Variants in STAG1 observed in about 807,000 individuals in gnomAD.
The protein encoded by STAG1 is STAG1 cohesin complex component.
In STAG1, 26 loss-of-function variants were observed where a neutral mutation model predicts 170.9. The ratio of observed to expected loss-of-function variants is 0.15; its 90% CI spans 0.11 to 0.21. STAG1 has a LOEUF of 0.21. Ranked by LOEUF, STAG1 falls within the 10% of genes least tolerant of loss-of-function variation. The pLI, the probability that STAG1 is intolerant of heterozygous loss-of-function variation, is 1.00. For synonymous variants in STAG1, 514 were observed against 497.7 expected (o/e 1.03, Z -0.44); for missense variants, 964 against 1,509.5 (o/e 0.64, Z 5.99).
At chr3:136,598,805 T>A (rs66470158) in intron 4 of STAG1, among the ~76,000 whole-genome samples, 12,005 of 152,264 alleles carry the variant, frequency 0.079, 494 homozygotes, top group Non-Finnish European at 0.094. Context: ...TTTATTTTAC[T>A]GTGTATTTCA....
intron 4 of STAG1, among the ~76,000 whole-genome samples, chr3:136,579,827 TATAAA>T (rs1226831986): frequency 4.7e-4 from 71 of 152,210 alleles, no homozygotes; most frequent in African/African-American, 1.7e-3. Flanking sequence ...AGTGTATACG[TATAAA>T]ATATCAGTAA....
chr3:136,370,860 C>A (rs1937295706), intron 23 of STAG1, among the ~76,000 whole-genome samples: 1 of 152,288 alleles, frequency 6.6e-6, no homozygotes, highest in African/African-American at 2.4e-5. Context: ...ATTTATAATC[C>A]TTTGGGTATA....
rs33968101 is a variant in STAG1, at chr3:136,544,758, C to CAAA, written c.395-2566_395-2564dup. 7.8e-4 allele frequency among the ~76,000 whole-genome samples: 115 copies of CAAA among 146,556 alleles called. 1 individual carries two copies. Among genetic ancestry groups the CAAA allele is most frequent in the East Asian group, 2.2e-3 (11 of 4,958 alleles). ...CCAGCCTGGATGACAGAGCAAGACT[C>CAAA]AAAAAAAAAAAAAGTTTATAGCTTT... On this transcript the variant is annotated intron_variant, in intron 5 of 33. Coordinates refer to ENST00000383202, the MANE Select transcript of STAG1 (RefSeq NM_005862.3).
At chr3:136,622,161 AAAG>A (rs1576679028) in intron 3 of STAG1, among the ~76,000 whole-genome samples, 2 of 150,498 alleles carry the variant, frequency 1.3e-5, no homozygotes, top group Non-Finnish European at 3.0e-5. Context: ...AAAAAAAAGA[AAAG>A]AAAAAATTAG....
At chr3:136,376,040 A>AT (rs1449694647) in intron 23 of STAG1, among the ~76,000 whole-genome samples, 4 of 149,284 alleles carry the variant, frequency 2.7e-5, no homozygotes, top group African/African-American at 9.7e-5. Flanking sequence ...ATAAAATAAA[A>AT]TAAAATAAAA....
At chr3:136,586,942 G>T in intron 4 of STAG1, 1 of 453,774 alleles carries the variant, frequency 2.2e-6, no homozygotes, top group South Asian at 1.6e-5. Context: ...GGTAAGAAGA[G>T]CCAGAAAATG....
At chr3:136,496,849 T>G (rs1261398140) in intron 9 of STAG1, among the ~76,000 whole-genome samples, 1 of 149,794 alleles carries the variant, frequency 6.7e-6, no homozygotes, top group Non-Finnish European at 1.5e-5. Flanking sequence ...TAAGATAAAA[T>G]AGCTCCACAT....
intron 12 of STAG1, among the ~76,000 whole-genome samples, chr3:136,471,426 G>T (rs1041954099): frequency 1.3e-5 from 2 of 151,646 alleles, no homozygotes; most frequent in Admixed American, 1.3e-4. Context: ...AAGGTAACTA[G>T]ATTTTGAAAA....
chr3:136,588,249 T>C lies in STAG1; in HGVS notation c.297+16060A>G, dbSNP rs141932287. On this transcript the variant is annotated intron_variant, in intron 4 of 33. Transcript: ENST00000383202. ...AGTGGGTTATCAGAACTTATTAACA[T>C]TAGTGTCATTAAAGTTGGTATACAA... Among the ~76,000 whole-genome samples the C allele has an allele frequency of 9.7e-4, 148 of 152,286 alleles. 1 individual carries two copies. Among genetic ancestry groups the C allele is most frequent in the African/African-American group, 3.5e-3 (145 of 41,568 alleles).
intron 4 of STAG1, among the ~76,000 whole-genome samples, chr3:136,600,046 G>C (rs113758607): frequency 4.6e-5 from 7 of 152,244 alleles, no homozygotes; most frequent in African/African-American, 1.4e-4. Context: ...CAAATGAACA[G>C]ACATTTCAAT....
At chr3:136,723,853 G>A (rs1358257802) in intron 1 of STAG1, among the ~76,000 whole-genome samples, 9 of 143,496 alleles carry the variant, frequency 6.3e-5, no homozygotes, top group Admixed American at 4.1e-4. Flanking sequence ...CCCCCCGCCC[G>A]GCCAGCCGCC....
chr3:136,430,800 T>A lies in STAG1; in HGVS notation c.1650+2756A>T, dbSNP rs895354393. On this transcript the variant is annotated intron_variant, in intron 16 of 33. Coordinates refer to ENST00000383202, the MANE Select transcript of STAG1 (RefSeq NM_005862.3). ...GGAAATTAAGAGAAGGAAACAGACA[T>A]AGACAGACACACACACACACACACA... Among the ~76,000 whole-genome samples, 23 of 97,546 alleles carry A rather than the reference T, an allele frequency of 2.4e-4. No homozygotes were observed. In the East Asian group the frequency reaches 4.1e-3, roughly 17 times the overall value. The allele number at this position is 97,546 out of a possible 152,430, so 64.0% of individuals were successfully genotyped here.
intron 7 of STAG1, among the ~76,000 whole-genome samples, chr3:136,520,419 A>G (rs1372267213): frequency 6.6e-6 from 1 of 152,174 alleles, no homozygotes; most frequent in Non-Finnish European, 1.5e-5. Context: ...ACTGCTACTA[A>G]AAAAGATGTA....
chr3:136,643,699 G>C (rs1251939338), intron 1 of STAG1, among the ~76,000 whole-genome samples: 1 of 152,080 alleles, frequency 6.6e-6, no homozygotes, highest in East Asian at 1.9e-4. Flanking sequence ...TGTAGAGATA[G>C]GGTTTTGCCA....
chr3:136,403,952 T>G (rs1467954029), intron 21 of STAG1, among the ~76,000 whole-genome samples: 1 of 152,224 alleles, frequency 6.6e-6, no homozygotes, highest in African/African-American at 2.4e-5. Flanking sequence ...TCTTATTGAC[T>G]TGGAAACATT....
intron 5 of STAG1, among the ~76,000 whole-genome samples, chr3:136,548,410 A>G (rs893493937): frequency 6.6e-6 from 1 of 152,104 alleles, no homozygotes; most frequent in South Asian, 2.1e-4. Flanking sequence ...CACTGAACCC[A>G]GCTGATGTTT....
intron 7 of STAG1, among the ~76,000 whole-genome samples, chr3:136,509,253 T>C (rs1002596933): frequency 4.6e-5 from 7 of 152,224 alleles, no homozygotes; most frequent in African/African-American, 1.7e-4. Context: ...ACAGGCAAGA[T>C]AATCAGCTAA....
intron 7 of STAG1, among the ~76,000 whole-genome samples, chr3:136,515,742 A>G (rs568947767): frequency 6.6e-6 from 1 of 152,306 alleles, no homozygotes; most frequent in East Asian, 1.9e-4. Context: ...GTTATTATAG[A>G]CCTAAATATA....
At chr3:136,577,494 C>T (rs984306172) in intron 4 of STAG1, among the ~76,000 whole-genome samples, 1 of 152,184 alleles carries the variant, frequency 6.6e-6, no homozygotes, top group Non-Finnish European at 1.5e-5. Context: ...TCTCCCCCAT[C>T]CTCCAAGTAA....
Sources: allele counts gnomAD v4.1 joint callset (sites outside exome capture counted in the v4.1 genomes callset), GRCh38; gene constraint gnomAD v4.1.1; transcripts MANE v1.5; gene names NCBI Gene and HGNC (gene_info 2026-07-23, HGNC 2026-07-21).